Variants in KRTAP4-4 observed in about 807,000 individuals in gnomAD.
The protein encoded by KRTAP4-4 is keratin-associated protein 4-4.
For missense variants in KRTAP4-4, 186 were observed against 206.9 expected (o/e 0.90, Z 0.62); for synonymous variants, 88 against 76.4 (o/e 1.15, Z -0.79).
rs376038236 is a variant in KRTAP4-4, at chr17:41,160,454, A to C, written c.238T>G (p.Cys80Gly). ...CCRPQCCQSV[C>G]CQPTCCRPQC... The stretch of plus-strand genomic sequence containing the variant: ...GGTCTGCAGCAGGTGGGCTGGCAGC[A>C]CACAGACTGGCAGCACTGGGGTCTG... Residue 80 changes from cysteine (C) to glycine (G), a missense_variant, in exon 1 of 1, where the codon TGC (cysteine) becomes GGC (glycine). Cys to Gly is a radical substitution (Grantham distance 159). Transcript: ENST00000390661. 445 of 1,612,780 alleles carry C rather than the reference A, an allele frequency of 2.8e-4. No homozygotes were observed. Among genetic ancestry groups the C allele is most frequent in the Non-Finnish European group, 3.6e-4 (421 of 1,179,624 alleles).
In KRTAP4-4 at chr17:41,160,596, C is replaced by G; in HGVS notation, c.96G>C (p.Arg32Ser). 6.2e-7 allele frequency: 1 copy of G among 1,612,004 alleles called. No homozygotes were observed. Among genetic ancestry groups the G allele is most frequent in the Non-Finnish European group, 8.5e-7 (1 of 1,179,338 alleles). ...AGCAGCTGGGGCGGCAGCAGGTGGT[C>G]CTGCAGCAGGTGGTCTGGCAGTAGC... is the stretch of plus-strand genomic sequence containing the variant. ...RPSYCQTTCCRTTCCRPSCCV... is the reference protein window; with the variant it reads ...RPSYCQTTCCSTTCCRPSCCV... The change falls in exon 1 of 1, where the codon AGG becomes AGC. Residue 32 changes from arginine to serine, a missense_variant. Coordinates refer to ENST00000390661, the MANE Select transcript of KRTAP4-4 (RefSeq NM_032524.2).
rs112520430 is a variant in KRTAP4-4 at position 41,160,112 on chromosome 17, A to G, written c.*79T>C. 3.4e-5 allele frequency: 53 copies of G among 1,580,548 alleles called. No individual in the cohort carries two copies. The highest frequency in any genetic ancestry group is 2.7e-4 in the African/African-American group (20 of 74,688). On this transcript the variant is annotated 3_prime_UTR_variant, in exon 1 of 1. Transcript: ENST00000390661. Reference sequence around the variant, plus strand: ...CTACTGCTGCTAGAGATACTGCAGGAAGGCTGGCAGCAGCTGGAAATGCAA... The same window carrying G: ...CTACTGCTGCTAGAGATACTGCAGGGAGGCTGGCAGCAGCTGGAAATGCAA...
Position 41,159,792 on chromosome 17 carries a change from A to C in KRTAP4-4, c.*399T>G. ...CAGATTTCAGAGCAAATTACAACTTATGTTCATTTGGTAGAGAGGTAAAAT... is the reference window on the plus strand; with the variant it reads ...CAGATTTCAGAGCAAATTACAACTTCTGTTCATTTGGTAGAGAGGTAAAAT... On this transcript the variant is annotated 3_prime_UTR_variant, in exon 1 of 1. Coordinates refer to ENST00000390661, the MANE Select transcript of KRTAP4-4 (RefSeq NM_032524.2). 1 of 272,844 alleles carries C rather than the reference A, an allele frequency of 3.7e-6. No homozygotes were observed. The highest frequency in any genetic ancestry group is 6.9e-6 in the Non-Finnish European group (1 of 144,746). 16.9% of individuals were successfully genotyped at this position (272,844 alleles called of 1,614,324 possible). A position where few individuals can be genotyped will look rare whatever the true frequency, so the allele number is the denominator to read the frequency against.
At position 41,159,866 on chromosome 17, in the gene KRTAP4-4, G is replaced by T; in HGVS notation, c.*325C>A. 1 of 455,518 alleles carries T rather than the reference G, an allele frequency of 2.2e-6. No individual in the cohort carries two copies. The highest frequency in any genetic ancestry group is 4.0e-6 in the Non-Finnish European group (1 of 251,284). The allele number at this position is 455,518 out of a possible 1,614,324, so 28.2% of individuals were successfully genotyped here. A position where few individuals can be genotyped will look rare whatever the true frequency, so the allele number is the denominator to read the frequency against. On this transcript the variant is annotated 3_prime_UTR_variant, in exon 1 of 1. Coordinates refer to ENST00000390661, the MANE Select transcript of KRTAP4-4 (RefSeq NM_032524.2). ...GCCAGATTCAATCTAAGAATTGGTTGGAACTGAAGTTTTCCAACTAGCTTC... is the reference window on the plus strand; with the variant it reads ...GCCAGATTCAATCTAAGAATTGGTTTGAACTGAAGTTTTCCAACTAGCTTC...
Position 41,159,984 on chromosome 17 carries a change from A to T in KRTAP4-4, c.*207T>A. ...GACAGCCTCAGCAGCAAGAAGCACT[A>T]GAGCAGGTTGGGCGGCAGCACATGG... On this transcript the variant is annotated 3_prime_UTR_variant, in exon 1 of 1. Transcript: ENST00000390661. 1 of 776,858 alleles carries T rather than the reference A, an allele frequency of 1.3e-6. No individual in the cohort carries two copies. The highest frequency in any genetic ancestry group is 2.1e-6 in the Non-Finnish European group (1 of 474,810). 48.1% of individuals were successfully genotyped at this position (776,858 alleles called of 1,614,324 possible). A position where few individuals can be genotyped will look rare whatever the true frequency, so the allele number is the denominator to read the frequency against.
In KRTAP4-4 at chr17:41,160,295, G is replaced by C; in HGVS notation, c.397C>G (p.Pro133Ala). Residue 133 changes from proline (P) to alanine (A), a missense_variant, in exon 1 of 1, where the codon CCC becomes GCC. By Grantham distance (27) the Pro-to-Ala change is conservative. Coordinates refer to ENST00000390661, the MANE Select transcript of KRTAP4-4 (RefSeq NM_032524.2). ...PSYCVSSCCRPQCCQTTCCRT... is the reference protein window; with the variant it reads ...PSYCVSSCCRAQCCQTTCCRT... ...CAGCAGGTGGTCTGGCAGCACTGGG[G>C]TCTGCAGCAGCTGGACACACAGTAG... 6.2e-7 allele frequency: 1 copy of C among 1,613,040 alleles called. No individual in the cohort carries two copies. The highest frequency in any genetic ancestry group is 8.5e-7 in the Non-Finnish European group (1 of 1,179,662).
Position 41,160,285 on chromosome 17 carries a change from C to A in KRTAP4-4, c.407G>T (p.Cys136Phe). 1.2e-6 allele frequency: 2 copies of A among 1,613,304 alleles called. No individual in the cohort carries two copies. Among genetic ancestry groups the A allele is most frequent in the Non-Finnish European group, 1.7e-6 (2 of 1,179,742 alleles). Residue 136 changes from cysteine to phenylalanine, a missense_variant, in exon 1 of 1, where the codon TGC becomes TTC. Cys to Phe is a radical substitution (Grantham distance 205). Coordinates refer to ENST00000390661, the MANE Select transcript of KRTAP4-4 (RefSeq NM_032524.2). ...GGTGGTTCTGCAGCAGGTGGTCTGG[C>A]AGCACTGGGGTCTGCAGCAGCTGGA... The part of the protein sequence containing the change: ...CVSSCCRPQC[C>F]QTTCCRTTCC...
rs1174829134 is a variant in KRTAP4-4, at chr17:41,160,171, G to A, written c.*20C>T. On this transcript the variant is annotated 3_prime_UTR_variant, in exon 1 of 1. Coordinates refer to ENST00000390661, the MANE Select transcript of KRTAP4-4 (RefSeq NM_032524.2). ...GTGGCAGCAGGTGGTCCTGTAGCAGGTGGTTTGCCAGCAGATGGGCTAGCA... is the reference window on the plus strand; with the variant it reads ...GTGGCAGCAGGTGGTCCTGTAGCAGATGGTTTGCCAGCAGATGGGCTAGCA... 1.2e-6 allele frequency: 2 copies of A among 1,609,964 alleles called. No individual in the cohort carries two copies. Among genetic ancestry groups the A allele is most frequent in the South Asian group, 2.2e-5 (2 of 90,598 alleles).
chr17:41,159,816 A>T lies in KRTAP4-4; in HGVS notation c.*375T>A, dbSNP rs780399529. 1 of 328,712 alleles carries T rather than the reference A, an allele frequency of 3.0e-6. No homozygotes were observed. The highest frequency in any genetic ancestry group is 5.6e-6 in the Non-Finnish European group (1 of 177,508). 20.4% of individuals were successfully genotyped at this position (328,712 alleles called of 1,614,324 possible). A position where few individuals can be genotyped will look rare whatever the true frequency, so the allele number is the denominator to read the frequency against. On this transcript the variant is annotated 3_prime_UTR_variant, in exon 1 of 1. Transcript: ENST00000390661. ...TATGTTCATTTGGTAGAGAGGTAAAATGTGGGGGGAGCATATATTTGGAGG... is the reference window on the plus strand; with the variant it reads ...TATGTTCATTTGGTAGAGAGGTAAATTGTGGGGGGAGCATATATTTGGAGG...
rs1393014085 is a variant in KRTAP4-4 at position 41,160,234 on chromosome 17, GAC to G, written c.456_457del (p.Ser153GlnfsTer46). On this transcript the variant is annotated frameshift_variant, in exon 1 of 1. Transcript: ENST00000390661. LOFTEE classifies it low-confidence loss of function (END_TRUNC). ...GCCACAATGGGGCCTGTAGCACCTG[GAC>G]ACACAGCAGCTGGGGCGGCAGCAGG... The G allele has an allele frequency of 6.2e-7, 1 of 1,613,712 alleles. No homozygotes were observed. The highest frequency in any genetic ancestry group is 8.5e-7 in the Non-Finnish European group (1 of 1,179,950).
At position 41,159,794 on chromosome 17, in the gene KRTAP4-4, G is replaced by A. The variant is rs539609126; in HGVS notation, c.*397C>T. On this transcript the variant is annotated 3_prime_UTR_variant, in exon 1 of 1. Coordinates refer to ENST00000390661, the MANE Select transcript of KRTAP4-4 (RefSeq NM_032524.2). ...GATTTCAGAGCAAATTACAACTTAT[G>A]TTCATTTGGTAGAGAGGTAAAATGT... is the stretch of plus-strand genomic sequence containing the variant. 47 of 276,808 alleles carry A rather than the reference G, an allele frequency of 1.7e-4. No individual in the cohort carries two copies. Among genetic ancestry groups the A allele is most frequent in the African/African-American group, 1.0e-3 (47 of 46,520 alleles). 17.1% of individuals were successfully genotyped at this position (276,808 alleles called of 1,614,324 possible). A position where few individuals can be genotyped will look rare whatever the true frequency, so the allele number is the denominator to read the frequency against.
rs366700 is a variant in KRTAP4-4 at position 41,160,230 on chromosome 17, C to G, written c.462G>C (p.Arg154Ser). The G allele has an allele frequency of 0.018, 29,475 of 1,612,242 alleles. 4,578 individuals are homozygous for G. In the African/African-American group the frequency reaches 0.34, roughly 19 times the overall value. The change falls in exon 1 of 1, where the codon AGG (arginine) becomes AGC (serine). Residue 154 changes from arginine (R) to serine (S), a missense_variant. Arg to Ser is a moderately radical substitution (Grantham distance 110, BLOSUM62 -1). Coordinates refer to ENST00000390661, the MANE Select transcript of KRTAP4-4 (RefSeq NM_032524.2). ...ACTGGCCACAATGGGGCCTGTAGCA[C>G]CTGGACACACAGCAGCTGGGGCGGC... ...TCCRPSCCVS[R>S]CYRPHCGQSL...
At position 41,160,383 on chromosome 17, in the gene KRTAP4-4, G is replaced by A. The variant is rs1341214162; in HGVS notation, c.309C>T (p.Pro103=). 1.2e-6 allele frequency: 2 copies of A among 1,612,162 alleles called. No individual in the cohort carries two copies. Among genetic ancestry groups the A allele is most frequent in the Non-Finnish European group, 1.7e-6 (2 of 1,179,622 alleles). The stretch of plus-strand genomic sequence containing the variant: ...GGCAGCACTGGGGCCTGCAGCAGCT[G>A]GGGCGGCAGCAGGTGGTCCTACAGC... ...TTCCRTTCCR[P]SCCRPQCCQS... The change falls in exon 1 of 1, where the codon CCC becomes CCT. Residue 103 remains proline (P), a synonymous_variant. Coordinates refer to ENST00000390661, the MANE Select transcript of KRTAP4-4 (RefSeq NM_032524.2).
rs2014943805 is a variant in KRTAP4-4 at position 41,160,095 on chromosome 17, G to A, written c.*96C>T. ...AGCCACAGCAGGAGGAGCTACTGCT[G>A]CTAGAGATACTGCAGGAAGGCTGGC... On this transcript the variant is annotated 3_prime_UTR_variant, in exon 1 of 1. Transcript: ENST00000390661. 6.4e-7 allele frequency: 1 copy of A among 1,558,002 alleles called. No homozygotes were observed. Among genetic ancestry groups the A allele is most frequent in the Admixed American group, 1.7e-5 (1 of 57,392 alleles).
chr17:41,159,891 C>A lies in KRTAP4-4; in HGVS notation c.*300G>T. On this transcript the variant is annotated 3_prime_UTR_variant, in exon 1 of 1. Coordinates refer to ENST00000390661, the MANE Select transcript of KRTAP4-4 (RefSeq NM_032524.2). ...GGAACTGAAGTTTTCCAACTAGCTTCCCATAACTCAGCTCATAGATGAGCT... is the reference window on the plus strand; with the variant it reads ...GGAACTGAAGTTTTCCAACTAGCTTACCATAACTCAGCTCATAGATGAGCT... The A allele has an allele frequency of 1.9e-6, 1 of 530,514 alleles. No individual in the cohort carries two copies. Among genetic ancestry groups the A allele is most frequent in the Non-Finnish European group, 3.4e-6 (1 of 294,088 alleles). The allele number at this position is 530,514 out of a possible 1,614,324, so 32.9% of individuals were successfully genotyped here.
In KRTAP4-4 at chr17:41,160,294, G is replaced by A. The variant is rs1438318302; in HGVS notation, c.398C>T (p.Pro133Leu). ...GCAGCAGGTGGTCTGGCAGCACTGG[G>A]GTCTGCAGCAGCTGGACACACAGTA... ...PSYCVSSCCR[P>L]QCCQTTCCRT... is the part of the protein sequence containing the mutation. The change falls in exon 1 of 1, where the codon CCC becomes CTC. Residue 133 changes from proline to leucine, a missense_variant. Coordinates refer to ENST00000390661, the MANE Select transcript of KRTAP4-4 (RefSeq NM_032524.2). 1.9e-6 allele frequency: 3 copies of A among 1,612,978 alleles called. No homozygotes were observed. The highest frequency in any genetic ancestry group is 2.5e-6 in the Non-Finnish European group (3 of 1,179,684).
chr17:41,160,746 C>T lies in KRTAP4-4; in HGVS notation c.-55G>A, dbSNP rs1246297993. On this transcript the variant is annotated 5_prime_UTR_variant, in exon 1 of 1. Transcript: ENST00000390661. ...TTTCCAGGAAGGAGGGTTTGGAAGG[C>T]TTGGAAGTCTCCTTGCCCCAGATCC... 1.3e-6 allele frequency: 2 copies of T among 1,569,960 alleles called. No individual in the cohort carries two copies. Among genetic ancestry groups the T allele is most frequent in the African/African-American group, 1.3e-5 (1 of 74,218 alleles).
Position 41,160,044 on chromosome 17 carries a change from G to T in KRTAP4-4, c.*147C>A. On this transcript the variant is annotated 3_prime_UTR_variant, in exon 1 of 1. Coordinates refer to ENST00000390661, the MANE Select transcript of KRTAP4-4 (RefSeq NM_032524.2). ...AGTTGGGGCGGCAGCAACTGGAGATGCAGCAGGAGAGCCTGCAGCAGCTGA... is the reference window on the plus strand; with the variant it reads ...AGTTGGGGCGGCAGCAACTGGAGATTCAGCAGGAGAGCCTGCAGCAGCTGA... 7.7e-7 allele frequency: 1 copy of T among 1,293,524 alleles called. No individual in the cohort carries two copies. Among genetic ancestry groups the T allele is most frequent in the Non-Finnish European group, 1.1e-6 (1 of 930,034 alleles). The allele number at this position is 1,293,524 out of a possible 1,614,324, so 80.1% of individuals were successfully genotyped here.
In KRTAP4-4 at chr17:41,160,737, T is replaced by C. The variant is rs2014962534; in HGVS notation, c.-46A>G. 4 of 1,577,088 alleles carry C rather than the reference T, an allele frequency of 2.5e-6. No homozygotes were observed. Among genetic ancestry groups the C allele is most frequent in the Middle Eastern group, 1.7e-4 (1 of 5,898 alleles). On this transcript the variant is annotated 5_prime_UTR_variant, in exon 1 of 1. Transcript: ENST00000390661. ...CTGGGTGGGTTTCCAGGAAGGAGGG[T>C]TTGGAAGGCTTGGAAGTCTCCTTGC...
Sources: allele counts gnomAD v4.1 joint callset, GRCh38; gene constraint gnomAD v4.1.1; transcripts MANE v1.5; gene names NCBI Gene and HGNC (gene_info 2026-07-23, HGNC 2026-07-21).